Variants in VAT1L observed in about 807,000 individuals in gnomAD.
VAT1L encodes the protein vesicle amine transport 1 like.
In VAT1L, 34 loss-of-function variants were observed where a neutral mutation model predicts 44.1. The ratio of observed to expected loss-of-function variants is 0.77; its 90% confidence interval spans 0.59 to 1.03. VAT1L has a LOEUF of 1.03. Among genes scored for constraint, VAT1L ranks in the 50% least tolerant of loss-of-function variants. VAT1L has a pLI of 0.00. For missense variants in VAT1L, 615 were observed against 538.8 expected (o/e 1.14, Z -1.40); for synonymous variants, 253 against 202.2 (o/e 1.25, Z -2.13).
intron 7 of VAT1L, among the ~76,000 whole-genome samples, chr16:77,908,169 G>A (rs1427264042): frequency 1.3e-5 from 2 of 151,678 alleles, no homozygotes; most frequent in Non-Finnish European, 2.9e-5. Flanking sequence ...AACCCGGGAG[G>A]TGGAGCTTGC....
chr16:77,794,673 T>C (rs904277139), intron 1 of VAT1L, among the ~76,000 whole-genome samples: 5 of 152,204 alleles, frequency 3.3e-5, no homozygotes, highest in Non-Finnish European at 7.3e-5. Flanking sequence ...AAAACTAAGA[T>C]GTTGCTCAGA....
chr16:77,906,012 T>G (rs537437751), intron 7 of VAT1L, among the ~76,000 whole-genome samples: 55 of 152,336 alleles, frequency 3.6e-4, no homozygotes, highest in African/African-American at 1.3e-3. Context: ...CGCTCATGAA[T>G]TTTGGAAGGC....
chr16:77,857,828 ATC>A (rs945986719), intron 3 of VAT1L, among the ~76,000 whole-genome samples: 4 of 139,406 alleles, frequency 2.9e-5, no homozygotes, highest in African/African-American at 5.5e-5. Context: ...TACCTATATT[ATC>A]TCTCTCTTTT....
chr16:77,874,419 C>T (rs1453716018), intron 4 of VAT1L, among the ~76,000 whole-genome samples: 2 of 151,900 alleles, frequency 1.3e-5, no homozygotes, highest in Non-Finnish European at 2.9e-5. Context: ...TGAAGCTCAC[C>T]AACCAAGAGT....
intron 1 of VAT1L, among the ~76,000 whole-genome samples, chr16:77,792,450 A>C (rs1040643122): frequency 6.6e-6 from 1 of 152,096 alleles, no homozygotes; most frequent in South Asian, 2.1e-4. Context: ...TATGGGAGCA[A>C]GGGAAGCAGG....
chr16:77,975,441 A>G (rs2018328688), intron 8 of VAT1L, among the ~76,000 whole-genome samples: 1 of 151,836 alleles, frequency 6.6e-6, no homozygotes, highest in Non-Finnish European at 1.5e-5. Context: ...TGAAATCCTG[A>G]CCTCAGGTGA....
chr16:77,813,753 C>G (rs2145231316), intron 1 of VAT1L, among the ~76,000 whole-genome samples: 1 of 152,256 alleles, frequency 6.6e-6, no homozygotes, highest in South Asian at 2.1e-4. Flanking sequence ...TTTCCCAATT[C>G]ATAGTTTTAC....
intron 3 of VAT1L, among the ~76,000 whole-genome samples, chr16:77,843,396 C>A (rs907464588): frequency 1.6e-4 from 25 of 152,270 alleles, no homozygotes; most frequent in African/African-American, 4.3e-4. Context: ...AGAGCCCCAA[C>A]AGAAGGTTGA....
At chr16:77,795,813 C>CTTTTTTTTT (rs56725954) in intron 1 of VAT1L, among the ~76,000 whole-genome samples, 1,319 of 100,522 alleles carry the variant, frequency 0.013, 1 homozygote, top group Middle Eastern at 0.022. Flanking sequence ...CCTTTTTTCT[C>CTTTTTTTTT]TTTTTTTTTT....
chr16:77,832,529 G>C (rs2016591531), intron 3 of VAT1L, among the ~76,000 whole-genome samples: 1 of 152,154 alleles, frequency 6.6e-6, no homozygotes. Context: ...AGATTTTCTT[G>C]ACAGGCATCC....
intron 5 of VAT1L, among the ~76,000 whole-genome samples, chr16:77,876,831 G>A (rs1310659051): frequency 6.6e-6 from 1 of 152,196 alleles, no homozygotes; most frequent in East Asian, 1.9e-4. Flanking sequence ...AGGACCCACA[G>A]TAGGATGGGG....
In VAT1L at chr16:77,902,348, C is replaced by T. The variant is rs547959541; in HGVS notation, c.1077+17546C>T. Among the ~76,000 whole-genome samples, 3 of 152,246 alleles carry T rather than the reference C, an allele frequency of 2.0e-5. No individual in the cohort carries two copies. The East Asian group carries it at 5.8e-4, about 29-fold the overall frequency. ...GTTTTTTATATAATTTATCACATTA[C>T]CATAAAAACATTGAGTAGTTATCTT... On this transcript the variant is annotated intron_variant, in intron 7 of 8. Coordinates refer to ENST00000302536, the MANE Select transcript of VAT1L (RefSeq NM_020927.3).
intron 7 of VAT1L, among the ~76,000 whole-genome samples, chr16:77,970,698 T>TC (rs1470066999): frequency 6.6e-6 from 1 of 152,206 alleles, no homozygotes; most frequent in African/African-American, 2.4e-5. Flanking sequence ...TAAGTTTTTT[T>TC]CCCCATAATT....
chr16:77,934,293 G>T (rs2017766792), intron 7 of VAT1L, among the ~76,000 whole-genome samples: 3 of 152,060 alleles, frequency 2.0e-5, no homozygotes, highest in South Asian at 2.1e-4. Flanking sequence ...GGTTTTGGTA[G>T]ACAGAATGAT....
At chr16:77,806,715 T>C (rs1404856061) in intron 1 of VAT1L, among the ~76,000 whole-genome samples, 2 of 152,236 alleles carry the variant, frequency 1.3e-5, no homozygotes, top group Non-Finnish European at 2.9e-5. Flanking sequence ...AACATTACTT[T>C]TATCATATCT....
chr16:77,946,279 C>CTTTTTTCTTTTTTTTTT, intron 7 of VAT1L, among the ~76,000 whole-genome samples: 1 of 70,428 alleles, frequency 1.4e-5, no homozygotes, highest in Non-Finnish European at 2.5e-5. Context: ...GTTACTTGTT[C>CTTTTTTCTTTTTTTTTT]TTTTTTTTTT....
intron 7 of VAT1L, among the ~76,000 whole-genome samples, chr16:77,897,992 T>A (rs1220055591): frequency 6.6e-6 from 1 of 152,136 alleles, no homozygotes; most frequent in Non-Finnish European, 1.5e-5. Context: ...AGGCTGGAAG[T>A]GTAAAGATCA....
intron 8 of VAT1L, among the ~76,000 whole-genome samples, chr16:77,974,991 G>A (rs2018320469): frequency 6.6e-6 from 1 of 151,994 alleles, no homozygotes; most frequent in African/African-American, 2.4e-5. Flanking sequence ...CAGACTTGAA[G>A]GAAAGGGAGC....
chr16:77,869,258 A>G (rs2017006306), intron 4 of VAT1L, among the ~76,000 whole-genome samples: 1 of 152,186 alleles, frequency 6.6e-6, no homozygotes, highest in East Asian at 1.9e-4. Flanking sequence ...TTGTTGTTAG[A>G]CAATGAGGAA....
Sources: gnomAD v4.1 joint callset for allele counts (sites outside exome capture counted in the v4.1 genomes callset) on GRCh38, gnomAD v4.1.1 for gene constraint, MANE v1.5 for transcripts, NCBI Gene and HGNC (gene_info 2026-07-23, HGNC 2026-07-21) for gene names.